The following NELL1 variants were observed in gnomAD, a reference collection of about 807,000 sequenced individuals.
NELL1 encodes the protein protein kinase C-binding protein NELL1.
A neutral mutation model predicts 107.4 loss-of-function variants in NELL1; 76 were observed. The ratio of observed to expected loss-of-function variants is 0.71; its 90% CI spans 0.59 to 0.86. NELL1 has a LOEUF of 0.86. Among genes scored for constraint, NELL1 ranks in the 40% least tolerant of loss-of-function variants. The pLI, the probability that NELL1 is intolerant of heterozygous loss-of-function variation, is 0.00. For missense variants in NELL1, 1,024 were observed against 1,005.5 expected, an observed-to-expected ratio of 1.02 and a Z score of -0.25; for synonymous variants, 353 against 341.2, an observed-to-expected ratio of 1.03 and a Z score of -0.38.
chr11:20,892,273 A>C (rs1288802792), intron 5 of NELL1, among the ~76,000 whole-genome samples: 1 of 152,336 alleles, frequency 6.6e-6, no homozygotes, highest in Admixed American at 6.5e-5. Context: ...CTCCTGAGTA[A>C]ATAATGAAAT....
chr11:21,396,690 G>A (rs1851989333), intron 15 of NELL1, among the ~76,000 whole-genome samples: 4 of 151,616 alleles, frequency 2.6e-5, no homozygotes, highest in Admixed American at 2.6e-4. Flanking sequence ...CTTTGGTAGG[G>A]TTTTAGAAAA....
chr11:20,713,362 G>A (rs992538695), intron 2 of NELL1, among the ~76,000 whole-genome samples: 2 of 152,072 alleles, frequency 1.3e-5, no homozygotes, highest in African/African-American at 2.4e-5. Flanking sequence ...GCTGGTAGAG[G>A]GGCGGTGGTT....
intron 12 of NELL1, among the ~76,000 whole-genome samples, chr11:21,099,035 G>A (rs762476945): frequency 5.9e-5 from 9 of 151,736 alleles, no homozygotes; most frequent in Non-Finnish European, 1.3e-4. Context: ...AATGTAGGAC[G>A]ACCAATTCAT....
rs56900585 is a variant in NELL1, at chr11:21,088,059, C to CTGTGTGTGTGTG, written c.1301-25494_1301-25483dup. On this transcript the variant is annotated intron_variant, in intron 12 of 19. Coordinates refer to ENST00000357134, the MANE Select transcript of NELL1 (RefSeq NM_006157.5). The stretch of plus-strand genomic sequence containing the variant: ...TTGTTTTCTGTGAGTCCCAGTAGCT[C>CTGTGTGTGTGTG]TGTGTGTGTGTGTGTGTGTGTGTGT... Among the ~76,000 whole-genome samples, 5 of 135,992 alleles carry CTGTGTGTGTGTG rather than the reference C, an allele frequency of 3.7e-5. 1 individual carries two copies. Among genetic ancestry groups the CTGTGTGTGTGTG allele is most frequent in the South Asian group, 5.3e-4 (2 of 3,782 alleles). The allele number at this position is 135,992 out of a possible 152,430, so 89.2% of individuals were successfully genotyped here.
At chr11:20,983,575 T>G (rs573511011) in intron 12 of NELL1, among the ~76,000 whole-genome samples, 7 of 152,184 alleles carry the variant, frequency 4.6e-5, no homozygotes, top group Non-Finnish European at 8.8e-5. Context: ...AATGCTTTCC[T>G]CTTTTTCACC....
intron 2 of NELL1, among the ~76,000 whole-genome samples, chr11:20,690,178 A>G (rs1361394264): frequency 6.6e-6 from 1 of 152,152 alleles, no homozygotes; most frequent in Non-Finnish European, 1.5e-5. Flanking sequence ...GATTCTGGAT[A>G]TTAGCCCTTT....
intron 13 of NELL1, among the ~76,000 whole-genome samples, chr11:21,207,322 T>G (rs1310581786): frequency 2.0e-5 from 3 of 152,190 alleles, no homozygotes; most frequent in African/African-American, 7.2e-5. Flanking sequence ...AGACATCAAG[T>G]ATGCTTTCTA....
chr11:21,167,149 C>G (rs895883064), intron 13 of NELL1, among the ~76,000 whole-genome samples: 4 of 151,690 alleles, frequency 2.6e-5, no homozygotes, highest in African/African-American at 7.3e-5. Context: ...TTATCAGGAC[C>G]AGCATTATTT....
rs560928540 is a variant in NELL1 at position 20,669,617 on chromosome 11, C to G, written c.-107C>G. ...CGCTGCCGAGCCACCTCCCCCGCCG[C>G]CCGCTAGCAAGTTTGGCGGCTCCAA... On this transcript the variant is annotated 5_prime_UTR_variant, in exon 1 of 20. Transcript: ENST00000357134. This position sits in a 1 kb window ranked among gnomAD's most constrained non-coding sequence, Gnocchi z 4.4. 147 of 947,626 alleles carry G rather than the reference C, an allele frequency of 1.6e-4. No homozygotes were observed. In the African/African-American group the frequency reaches 2.2e-3, roughly 14 times the overall value. The allele number at this position is 947,626 out of a possible 1,614,324, so 58.7% of individuals were successfully genotyped here. A position where few individuals can be genotyped will look rare whatever the true frequency, so the allele number is the denominator to read the frequency against.
chr11:21,040,540 C>T (rs1853205029), intron 12 of NELL1, among the ~76,000 whole-genome samples: 1 of 152,104 alleles, frequency 6.6e-6, no homozygotes, highest in South Asian at 2.1e-4. Context: ...AGTCCTGGCT[C>T]GGACCCTTCC....
intron 4 of NELL1, among the ~76,000 whole-genome samples, chr11:20,848,504 T>C (rs757711725): frequency 3.3e-5 from 5 of 152,182 alleles, no homozygotes. Context: ...TATCTCTCCA[T>C]AACCCACTGA....
chr11:21,462,276 T>G (rs1271033888), intron 15 of NELL1, among the ~76,000 whole-genome samples: 1 of 152,132 alleles, frequency 6.6e-6, no homozygotes, highest in Non-Finnish European at 1.5e-5. Context: ...ATTTGAAATT[T>G]TAAAATTCTT....
At chr11:20,788,799 T>C (rs1032939491) in intron 3 of NELL1, among the ~76,000 whole-genome samples, 1 of 152,210 alleles carries the variant, frequency 6.6e-6, no homozygotes, top group Non-Finnish European at 1.5e-5. Context: ...AAAAGTTTTA[T>C]AGGTTTAGCT....
chr11:21,062,672 C>A (rs924739891), intron 12 of NELL1, among the ~76,000 whole-genome samples: 5 of 152,166 alleles, frequency 3.3e-5, no homozygotes, highest in African/African-American at 1.2e-4. Flanking sequence ...CATTCCACGG[C>A]AAGACTGCCC....
In NELL1 at chr11:21,454,174, C is replaced by T. The variant is rs958113086; in HGVS notation, c.1646-80200C>T. On this transcript the variant is annotated intron_variant, in intron 15 of 19. Transcript: ENST00000357134. ...ATTCCCACCTATGAGTGAGAATATG[C>T]GGTGTTTGGTTTTTTGTTCTTGCGA... is the stretch of plus-strand genomic sequence containing the variant. Among the ~76,000 whole-genome samples, 8 of 143,816 alleles carry T rather than the reference C, an allele frequency of 5.6e-5. No homozygotes were observed. The East Asian group carries it at 1.7e-3, about 30-fold the overall frequency. The allele number at this position is 143,816 out of a possible 152,430, so 94.3% of individuals were successfully genotyped here.
chr11:20,970,139 G>A (rs1433260072), intron 12 of NELL1, among the ~76,000 whole-genome samples: 1 of 149,830 alleles, frequency 6.7e-6, no homozygotes, highest in African/African-American at 2.5e-5. Context: ...TGTATATTGA[G>A]CCATAGTTTG....
chr11:21,213,309 A>G (rs1175852561), intron 13 of NELL1, among the ~76,000 whole-genome samples: 1 of 152,186 alleles, frequency 6.6e-6, no homozygotes, highest in Non-Finnish European at 1.5e-5. Flanking sequence ...CCATAAGTTG[A>G]TCTGTAAAGT....
intron 2 of NELL1, among the ~76,000 whole-genome samples, chr11:20,714,190 C>T (rs1401152370): frequency 2.1e-5 from 3 of 140,814 alleles, no homozygotes; most frequent in Middle Eastern, 7.4e-3. Flanking sequence ...CTGCTATCTC[C>T]CCGATTTTTT....
chr11:20,744,094 T>C (rs1458240467), intron 2 of NELL1, among the ~76,000 whole-genome samples: 4 of 152,198 alleles, frequency 2.6e-5, no homozygotes, highest in African/African-American at 9.7e-5. Context: ...TCTCACTGTG[T>C]CCATAGCCAC....
Sources: allele counts gnomAD v4.1 joint callset (sites outside exome capture counted in the v4.1 genomes callset), GRCh38; gene constraint gnomAD v4.1.1; non-coding constraint Gnocchi (gnomAD v3.1); transcripts MANE v1.5; gene names NCBI Gene and HGNC (gene_info 2026-07-23, HGNC 2026-07-21).